The following ZNF292 variants were observed in gnomAD, a reference collection of about 807,000 sequenced individuals.
ZNF292 encodes the protein zinc finger protein 292.
Under a neutral mutation model 217.9 loss-of-function variants are expected in ZNF292, and 26 were observed. The observed-to-expected ratio is 0.12, with a 90% CI of 0.09 to 0.17. The LOEUF (loss-of-function observed/expected upper bound fraction) is 0.17. Ranked by LOEUF, ZNF292 falls within the 10% of genes least tolerant of loss-of-function variation. The pLI, the probability that ZNF292 is intolerant of heterozygous loss-of-function variation, is 1.00. For missense variants in ZNF292, 2,904 were observed against 3,175.2 expected (o/e 0.91, Z 2.05); for synonymous variants, 1,257 against 1,124.1 (o/e 1.12, Z -2.37).
At chr6:87,160,286 C>T (rs557574537) in intron 1 of ZNF292, among the ~76,000 whole-genome samples, 3 of 152,174 alleles carry the variant, frequency 2.0e-5, no homozygotes, top group African/African-American at 4.8e-5. Flanking sequence ...AATAATAGTT[C>T]GTTGGAAAAA....
At chr6:87,195,350 A>G (rs900313944) in intron 1 of ZNF292, among the ~76,000 whole-genome samples, 3 of 152,358 alleles carry the variant, frequency 2.0e-5, no homozygotes, top group South Asian at 2.1e-4. Context: ...GGAAATTAGT[A>G]TATAACAACA....
intron 1 of ZNF292, among the ~76,000 whole-genome samples, chr6:87,172,861 T>C (rs1463997376): frequency 1.3e-5 from 2 of 150,654 alleles, no homozygotes; most frequent in African/African-American, 4.9e-5. Flanking sequence ...GATCCAAGAT[T>C]GCACCACTGC....
At chr6:87,179,280 C>T (rs1771395660) in intron 1 of ZNF292, among the ~76,000 whole-genome samples, 1 of 151,564 alleles carries the variant, frequency 6.6e-6, no homozygotes, top group Non-Finnish European at 1.5e-5. Context: ...CCTGCCACAG[C>T]TTCCCGAGTA....
At chr6:87,193,849 T>A (rs974143356) in intron 1 of ZNF292, among the ~76,000 whole-genome samples, 1 of 152,218 alleles carries the variant, frequency 6.6e-6, no homozygotes, top group African/African-American at 2.4e-5. Flanking sequence ...TATGCAGATA[T>A]TCCAGAATTT....
intron 1 of ZNF292, among the ~76,000 whole-genome samples, chr6:87,192,738 A>T (rs772018265): frequency 3.0e-4 from 45 of 152,348 alleles, no homozygotes; most frequent in Middle Eastern, 3.4e-3. Context: ...GAATGTTTCC[A>T]TGAGAATCTT....
chr6:87,156,910 G>C (rs1156271828), intron 1 of ZNF292, among the ~76,000 whole-genome samples: 2 of 152,150 alleles, frequency 1.3e-5, no homozygotes, highest in Admixed American at 6.5e-5. Flanking sequence ...TCTTGAGGAG[G>C]AAAAAGAAGA....
At position 87,260,896 on chromosome 6, in the gene ZNF292, C is replaced by T. The variant is rs1321860695; in HGVS notation, c.7267C>T (p.Leu2423Phe). 1 of 1,610,340 alleles carries T rather than the reference C, an allele frequency of 6.2e-7. No individual in the cohort carries two copies. Among genetic ancestry groups the T allele is most frequent in the Non-Finnish European group, 8.5e-7 (1 of 1,178,144 alleles). The stretch of plus-strand genomic sequence containing the variant: ...GGCATTTACATCACAACACCGAAAT[C>T]TTCTTATTGTATTCAAACGGTGTTG... The part of the protein sequence containing the change: ...SKAFTSQHRN[L>F]LIVFKRCCNS... Residue 2423 changes from leucine (L) to phenylalanine (F), a missense_variant, in exon 8 of 8, where the codon CTT (leucine) becomes TTT (phenylalanine). Physicochemically the swap from Leu to Phe is conservative, Grantham distance 22. Around this residue, in one of 15 missense-constraint regions of ZNF292, gnomAD observed 380 missense variants for 355.3 expected, o/e 1.07. Coordinates refer to ENST00000369577, the MANE Select transcript of ZNF292 (RefSeq NM_015021.3).
At position 87,256,997 on chromosome 6, in the gene ZNF292, A is replaced by C; in HGVS notation, c.3368A>C (p.His1123Pro). The change falls in exon 8 of 8, where the codon CAC becomes CCC. Residue 1123 changes from histidine to proline, a missense_variant. Around this residue, in one of 15 missense-constraint regions of ZNF292, gnomAD observed 687 missense variants for 623.0 expected, o/e 1.10. Coordinates refer to ENST00000369577, the MANE Select transcript of ZNF292 (RefSeq NM_015021.3). ...ATTGGGAAACACATGAAGACAGCAC[A>C]CCCTGACCAATATGCTGCATTTAAA... ...QSIGKHMKTAHPDQYAAFKMQ... is the reference protein window; with the variant it reads ...QSIGKHMKTAPPDQYAAFKMQ... The C allele has an allele frequency of 1.9e-6, 3 of 1,613,720 alleles. No homozygotes were observed. The highest frequency in any genetic ancestry group is 2.5e-6 in the Non-Finnish European group (3 of 1,179,794).
rs376320153 is a variant in ZNF292, at chr6:87,155,580, C to A, written c.-12C>A. 5.3e-4 allele frequency: 833 copies of A among 1,572,562 alleles called. No homozygotes were observed. The highest frequency in any genetic ancestry group is 6.7e-4 in the Non-Finnish European group (777 of 1,159,872). On this transcript the variant is annotated 5_prime_UTR_variant, in exon 1 of 8. Coordinates refer to ENST00000369577, the MANE Select transcript of ZNF292 (RefSeq NM_015021.3). Reference sequence around the variant, plus strand: ...TGACCCAGGTGCGTACGCGACGGAGCGGGGTGTGAAGATGGCGGACGAAGA... The same window carrying A: ...TGACCCAGGTGCGTACGCGACGGAGAGGGGTGTGAAGATGGCGGACGAAGA...
chr6:87,217,471 G>GT lies in ZNF292; in HGVS notation c.402+1102dup, dbSNP rs1446795292. Among the ~76,000 whole-genome samples the GT allele has an allele frequency of 5.9e-5, 9 of 151,732 alleles. No homozygotes were observed. In the South Asian group the frequency reaches 1.5e-3, roughly 25 times the overall value. On this transcript the variant is annotated intron_variant, in intron 3 of 7. Coordinates refer to ENST00000369577, the MANE Select transcript of ZNF292 (RefSeq NM_015021.3). ...CGGATATCCGTAACTTGTATCTTAG[G>GT]TTTTTTTTCCAAAAAGTATTTTTAG...
At chr6:87,231,521 T>C (rs1773656054) in intron 4 of ZNF292, among the ~76,000 whole-genome samples, 1 of 152,186 alleles carries the variant, frequency 6.6e-6, no homozygotes, top group African/African-American at 2.4e-5. Flanking sequence ...TCAAATATTC[T>C]GTGTATTTTT....
intron 1 of ZNF292, among the ~76,000 whole-genome samples, chr6:87,199,173 G>A (rs1772039365): frequency 6.6e-6 from 1 of 152,162 alleles, no homozygotes; most frequent in Non-Finnish European, 1.5e-5. Context: ...ACTTGATATT[G>A]TCTTTTTAAA....
chr6:87,160,541 A>G (rs1471640162), intron 1 of ZNF292, among the ~76,000 whole-genome samples: 1 of 150,522 alleles, frequency 6.6e-6, no homozygotes, highest in East Asian at 1.9e-4. Flanking sequence ...CTAGGTTTAG[A>G]TGTTACAGAG....
At chr6:87,219,275 T>C (rs1287900530) in intron 4 of ZNF292, among the ~76,000 whole-genome samples, 1 of 152,198 alleles carries the variant, frequency 6.6e-6, no homozygotes, top group Non-Finnish European at 1.5e-5. Flanking sequence ...TTAAAATTTA[T>C]ATAGACCCTG....
intron 1 of ZNF292, among the ~76,000 whole-genome samples, chr6:87,160,674 A>ATG (rs535676499): frequency 2.1e-4 from 19 of 92,534 alleles, no homozygotes; most frequent in African/African-American, 1.1e-3. Context: ...CATATATATG[A>ATG]TGTGTGTGTG....
intron 1 of ZNF292, among the ~76,000 whole-genome samples, chr6:87,159,181 T>A (rs1770637602): frequency 6.6e-6 from 1 of 152,150 alleles, no homozygotes; most frequent in Non-Finnish European, 1.5e-5. Flanking sequence ...GAATTCTGAG[T>A]AGCAGAATAG....
At position 87,245,504 on chromosome 6, in the gene ZNF292, G is replaced by T; in HGVS notation, c.880G>T (p.Glu294Ter). 1.3e-6 allele frequency: 2 copies of T among 1,501,540 alleles called. No homozygotes were observed. Among genetic ancestry groups the T allele is most frequent in the South Asian group, 1.3e-5 (1 of 75,190 alleles). 93.0% of individuals were successfully genotyped at this position (1,501,540 alleles called of 1,614,324 possible). The change falls in exon 7 of 8, where the codon GAA becomes TAA. Residue 294 changes from glutamate (E) to a stop codon, truncating the protein, a stop_gained and splice_region_variant. Coordinates refer to ENST00000369577, the MANE Select transcript of ZNF292 (RefSeq NM_015021.3). LOFTEE classifies it high-confidence loss of function. ...LQQGDMYCAWELTLFWSKLQQ... is the reference protein window; with the variant it reads ...LQQGDMYCAW ...TTATTATAACTTTTTTTTTTTAAGG[G>T]AACTTACTCTCTTTTGGAGTAAATT...
chr6:87,216,244 AT>A (rs1195170965), intron 2 of ZNF292, 54 bp from the exon 3 acceptor site: 3 of 1,473,416 alleles, frequency 2.0e-6, no homozygotes, highest in Non-Finnish European at 2.8e-6. Flanking sequence ...TGGTTTTATA[AT>A]TTCCTTTGAA....
intron 1 of ZNF292, among the ~76,000 whole-genome samples, chr6:87,193,989 G>A (rs1771889492): frequency 6.6e-6 from 1 of 152,100 alleles, no homozygotes. Context: ...ACATCTTAAA[G>A]GTCTAATGGA....
Sources: gnomAD v4.1 joint callset for allele counts (sites outside exome capture counted in the v4.1 genomes callset) on GRCh38, gnomAD v4.1.1 for gene constraint, gnomAD v4.1.1 regional missense constraint, MANE v1.5 for transcripts, NCBI Gene and HGNC (gene_info 2026-07-23, HGNC 2026-07-21) for gene names.